Variants in USP6NL observed in about 807,000 individuals in gnomAD.
USP6NL encodes the protein USP6 N-terminal like.
USP6NL carries 26 observed loss-of-function variants against 61.9 expected under a neutral mutation model. The observed-to-expected ratio is 0.42, with a 90% CI of 0.31 to 0.58. The LOEUF (loss-of-function observed/expected upper bound fraction) is 0.58. USP6NL is among the 20% of genes least tolerant of loss of function. The probability of loss-of-function intolerance (pLI) is 0.16; values close to 1 mark genes in which losing one functional copy is unlikely to be tolerated. For synonymous variants in USP6NL, 432 were observed against 390.1 expected (o/e 1.11, Z -1.27); for missense variants, 1,114 against 1,034.3 (o/e 1.08, Z -1.06).
rs1833228804 is a variant in USP6NL at position 11,482,200 on chromosome 10, A to C, written c.926-278T>G. Among the ~76,000 whole-genome samples the C allele has an allele frequency of 6.6e-6, 1 of 152,196 alleles. No individual in the cohort carries two copies. The highest frequency in any genetic ancestry group is 2.4e-5 in the African/African-American group (1 of 41,448). ...CTCATTGGAATAACCACACCTAGGC[A>C]TTAGTATTACCCCAGAGCAAGAGCT... On this transcript the variant is annotated intron_variant, in intron 13 of 14. Transcript: ENST00000609104. This position sits in a 1 kb window ranked among gnomAD's most constrained non-coding sequence, Gnocchi z 4.0.
rs148183676 is a variant in USP6NL, at chr10:11,540,222, G to A, written c.5-12655C>T. On this transcript the variant is annotated intron_variant, in intron 2 of 14. Transcript: ENST00000609104. This position sits in a 1 kb window ranked among gnomAD's most constrained non-coding sequence, Gnocchi z 5.0. ...TTATTTGTGCAAAATGGAGATGAATGGTATTCTGAAGAATCCAAGAACAAT... is the reference window on the plus strand; with the variant it reads ...TTATTTGTGCAAAATGGAGATGAATAGTATTCTGAAGAATCCAAGAACAAT... Among the ~76,000 whole-genome samples the A allele has an allele frequency of 7.4e-4, 113 of 152,120 alleles. No homozygotes were observed. Among genetic ancestry groups the A allele is most frequent in the African/African-American group, 2.7e-3 (112 of 41,520 alleles).
Position 11,537,949 on chromosome 10 carries a change from T to G in USP6NL, c.5-10382A>C, listed in dbSNP as rs114509765. Among the ~76,000 whole-genome samples the G allele has an allele frequency of 2.1e-3, 316 of 152,330 alleles. 1 individual carries two copies. Among genetic ancestry groups the G allele is most frequent in the African/African-American group, 7.2e-3 (300 of 41,576 alleles). On this transcript the variant is annotated intron_variant, in intron 2 of 14. Coordinates refer to ENST00000609104, the MANE Select transcript of USP6NL (RefSeq NM_014688.5). This position sits in a 1 kb window ranked among gnomAD's most constrained non-coding sequence, Gnocchi z 5.1. Reference sequence around the variant, plus strand: ...AAAAAGATCAACAGTGTCGATATAATTGGTAGGTTGCTTGTTTTGTTTTTG... The same window carrying G: ...AAAAAGATCAACAGTGTCGATATAAGTGGTAGGTTGCTTGTTTTGTTTTTG...
chr10:11,531,044 G>A (rs188298689), intron 2 of USP6NL, among the ~76,000 whole-genome samples: 1 of 152,332 alleles, frequency 6.6e-6, no homozygotes, highest in African/African-American at 2.4e-5. Context: ...AACGGCAGCT[G>A]TGTTGGTTGG....
Position 11,518,463 on chromosome 10 carries a change from A to G in USP6NL, c.195+72T>C. 7.3e-7 allele frequency: 1 copy of G among 1,368,208 alleles called. No homozygotes were observed. The highest frequency in any genetic ancestry group is 1.0e-6 in the Non-Finnish European group (1 of 961,550). The allele number at this position is 1,368,208 out of a possible 1,614,324, so 84.8% of individuals were successfully genotyped here. A position where few individuals can be genotyped will look rare whatever the true frequency, so the allele number is the denominator to read the frequency against. ...TATAATATGGCACTTAAAATCACAA[A>G]GGTGGTCAATTTTATTCTTCTAATA... On this transcript the variant is annotated intron_variant, in intron 5 of 14. Transcript: ENST00000609104. This position sits in a 1 kb window ranked among gnomAD's most constrained non-coding sequence, Gnocchi z 5.3.
chr10:11,594,767 G>A (rs1308997144), intron 2 of USP6NL, among the ~76,000 whole-genome samples: 2 of 152,150 alleles, frequency 1.3e-5, no homozygotes, highest in East Asian at 3.9e-4. Flanking sequence ...TGCATACTAA[G>A]GACATTACTT....
rs1196700363 is a variant in USP6NL, at chr10:11,496,307, C to A, written c.385-3079G>T. Among the ~76,000 whole-genome samples, 1 of 152,222 alleles carries A rather than the reference C, an allele frequency of 6.6e-6. No individual in the cohort carries two copies. Among genetic ancestry groups the A allele is most frequent in the Non-Finnish European group, 1.5e-5 (1 of 68,040 alleles). On this transcript the variant is annotated intron_variant, in intron 7 of 14. Coordinates refer to ENST00000609104, the MANE Select transcript of USP6NL (RefSeq NM_014688.5). This position sits in a 1 kb window ranked among gnomAD's most constrained non-coding sequence, Gnocchi z 5.4. ...TCACCTCCACTTCCAGAGGTTCCTG[C>A]AGTTGGCAATTACCAAGCCTTACGG...
At chr10:11,593,717 G>A (rs530546978) in intron 2 of USP6NL, among the ~76,000 whole-genome samples, 2 of 152,226 alleles carry the variant, frequency 1.3e-5, no homozygotes, top group South Asian at 2.1e-4. Flanking sequence ...CAGAATAAAA[G>A]CGGAAAAACA....
Position 11,490,953 on chromosome 10 carries a change from T to A in USP6NL, c.495-73A>T. The A allele has an allele frequency of 1.5e-6, 2 of 1,316,568 alleles. No homozygotes were observed. Among genetic ancestry groups the A allele is most frequent in the Non-Finnish European group, 2.1e-6 (2 of 964,028 alleles). 81.6% of individuals were successfully genotyped at this position (1,316,568 alleles called of 1,614,324 possible). A position where few individuals can be genotyped will look rare whatever the true frequency, so the allele number is the denominator to read the frequency against. On this transcript the variant is annotated intron_variant, in intron 8 of 14. Coordinates refer to ENST00000609104, the MANE Select transcript of USP6NL (RefSeq NM_014688.5). The surrounding 1 kb of genome is among the most constrained non-coding windows in gnomAD (Gnocchi z 4.5). ...TTTAAAAATTACAAACTTAAAAAAA[T>A]AAACCAAAGACTGACTGAAAACAGA...
At chr10:11,534,103 T>C (rs140348517) in intron 2 of USP6NL, among the ~76,000 whole-genome samples, 7 of 152,204 alleles carry the variant, frequency 4.6e-5, no homozygotes, top group South Asian at 2.1e-4. Flanking sequence ...ACCCTTGATA[T>C]CTGATCACCC....
At position 11,499,281 on chromosome 10, in the gene USP6NL, C is replaced by T. The variant is rs1173630158; in HGVS notation, c.384+1820G>A. 1.3e-5 allele frequency among the ~76,000 whole-genome samples: 2 copies of T among 152,144 alleles called. No individual in the cohort carries two copies. The highest frequency in any genetic ancestry group is 2.9e-5 in the Non-Finnish European group (2 of 68,030). ...TAATATTGATGACAGTGTTGAAAAT[C>T]ATAGGCTTGAAGGTACTGGCAGGCA... On this transcript the variant is annotated intron_variant, in intron 7 of 14. Coordinates refer to ENST00000609104, the MANE Select transcript of USP6NL (RefSeq NM_014688.5). The surrounding 1 kb of genome is among the most constrained non-coding windows in gnomAD (Gnocchi z 4.5).
At chr10:11,527,422 C>T in intron 3 of USP6NL, 78 bp downstream of exon 3, 4 of 1,361,172 alleles carry the variant, frequency 2.9e-6, no homozygotes, top group Non-Finnish European at 4.1e-6. Context: ...AATGTAAGCC[C>T]TCCAAAAAGC....
chr10:11,508,692 C>T (rs894323956), intron 6 of USP6NL, among the ~76,000 whole-genome samples: 6 of 152,268 alleles, frequency 3.9e-5, no homozygotes, highest in Non-Finnish European at 5.9e-5. Context: ...CGAGCAGTGA[C>T]GAGACGGGAA....
chr10:11,568,766 T>C (rs951540954), intron 2 of USP6NL, among the ~76,000 whole-genome samples: 6 of 152,218 alleles, frequency 3.9e-5, no homozygotes, highest in Non-Finnish European at 7.3e-5. Context: ...TACGGTCACA[T>C]CATGGCTGCC....
chr10:11,528,161 C>A lies in USP6NL; in HGVS notation c.5-594G>T, dbSNP rs559539682. On this transcript the variant is annotated intron_variant, in intron 2 of 14. Coordinates refer to ENST00000609104, the MANE Select transcript of USP6NL (RefSeq NM_014688.5). The surrounding 1 kb of genome is among the most constrained non-coding windows in gnomAD (Gnocchi z 4.6). ...CACACACACACACACACACACACAC[C>A]CTTCATCCTTATTAACATTAGGAGA... Among the ~76,000 whole-genome samples, 2 of 128,574 alleles carry A rather than the reference C, an allele frequency of 1.6e-5. No homozygotes were observed. The highest frequency in any genetic ancestry group is 3.6e-5 in the Non-Finnish European group (2 of 55,324). 84.3% of individuals were successfully genotyped at this position (128,574 alleles called of 152,430 possible). A position where few individuals can be genotyped will look rare whatever the true frequency, so the allele number is the denominator to read the frequency against.
At position 11,496,563 on chromosome 10, in the gene USP6NL, T is replaced by G. The variant is rs1833934097; in HGVS notation, c.385-3335A>C. 6.6e-6 allele frequency among the ~76,000 whole-genome samples: 1 copy of G among 152,222 alleles called. No individual in the cohort carries two copies. Among genetic ancestry groups the G allele is most frequent in the Non-Finnish European group, 1.5e-5 (1 of 68,040 alleles). ...AGGGAAAGGGAGCTAAATGAGTATG[T>G]TGAATCTCCCATGTTTAAACAGATG... On this transcript the variant is annotated intron_variant, in intron 7 of 14. Coordinates refer to ENST00000609104, the MANE Select transcript of USP6NL (RefSeq NM_014688.5). The surrounding 1 kb of genome is among the most constrained non-coding windows in gnomAD (Gnocchi z 5.4).
intron 2 of USP6NL, among the ~76,000 whole-genome samples, chr10:11,566,656 T>C (rs1591935905): frequency 6.6e-6 from 1 of 152,256 alleles, no homozygotes; most frequent in Non-Finnish European, 1.5e-5. Flanking sequence ...AATGTGGCTA[T>C]TGAGTACTTA....
rs1479423993 is a variant in USP6NL, at chr10:11,462,663, A to G, written c.2265T>C (p.Asp755=). The change falls in exon 15 of 15, where the codon GAT becomes GAC. Residue 755 remains aspartate (D), a synonymous_variant. Transcript: ENST00000609104. ...PETQGQSWTR[D]ASRGNLPKYS... ...ATTTTGGTAAATTGCCACGGCTAGC[A>G]TCTCGGGTCCATGATTGTCCCTGCG... 3.7e-6 allele frequency: 6 copies of G among 1,614,020 alleles called. No individual in the cohort carries two copies. In the Admixed American group the frequency reaches 6.7e-5, roughly 18 times the overall value.
At position 11,511,758 on chromosome 10, in the gene USP6NL, C is replaced by CA. The variant is rs1340981264; in HGVS notation, c.196-2084dup. On this transcript the variant is annotated intron_variant, in intron 5 of 14. Coordinates refer to ENST00000609104, the MANE Select transcript of USP6NL (RefSeq NM_014688.5). This position sits in a 1 kb window ranked among gnomAD's most constrained non-coding sequence, Gnocchi z 4.9. ...AGAACAAAACACACACATACACATA[C>CA]AAAAAAAATTAAGGATCATTAAGTA... Among the ~76,000 whole-genome samples the CA allele has an allele frequency of 2.6e-5, 4 of 151,098 alleles. No homozygotes were observed. Among genetic ancestry groups the CA allele is most frequent in the Non-Finnish European group, 4.4e-5 (3 of 67,790 alleles).
intron 2 of USP6NL, among the ~76,000 whole-genome samples, chr10:11,543,446 G>C (rs1257397441): frequency 6.6e-6 from 1 of 152,068 alleles, no homozygotes; most frequent in Non-Finnish European, 1.5e-5. Context: ...GGAGGCTGAA[G>C]CAGGAGAATG....
Sources: gnomAD v4.1 joint callset for allele counts (sites outside exome capture counted in the v4.1 genomes callset) on GRCh38, gnomAD v4.1.1 for gene constraint, Gnocchi (gnomAD v3.1) non-coding constraint, MANE v1.5 for transcripts, NCBI Gene and HGNC (gene_info 2026-07-23, HGNC 2026-07-21) for gene names.